The following ATP9B variants were observed in gnomAD, a reference collection of about 807,000 sequenced individuals.
ATP9B encodes ATPase phospholipid transporting 9B.
ATP9B carries 110 observed loss-of-function variants against 146.1 expected under a neutral mutation model. The ratio of observed to expected loss-of-function variants is 0.75; its 90% CI spans 0.65 to 0.88. The LOEUF is 0.88. ATP9B is among the 40% of genes least tolerant of loss of function. The pLI is 0.00. For synonymous variants in ATP9B, 604 were observed against 569.7 expected, an observed-to-expected ratio of 1.06 and a Z score of -0.86; for missense variants, 1,499 against 1,496.4, an observed-to-expected ratio of 1.00 and a Z score of -0.03.
At chr18:79,091,486 G>A (rs2074311695) in intron 1 of ATP9B, among the ~76,000 whole-genome samples, 1 of 152,124 alleles carries the variant, frequency 6.6e-6, no homozygotes, top group Non-Finnish European at 1.5e-5. Context: ...TCATCATAGA[G>A]ATCTTTCACT....
chr18:79,298,401 T>A (rs1405613293), intron 13 of ATP9B, among the ~76,000 whole-genome samples: 2 of 146,238 alleles, frequency 1.4e-5, no homozygotes, highest in African/African-American at 5.0e-5. Flanking sequence ...GTGAATCTAA[T>A]ATAAAATGAG....
chr18:79,304,199 G>A (rs969348126), intron 14 of ATP9B, among the ~76,000 whole-genome samples: 1 of 152,016 alleles, frequency 6.6e-6, no homozygotes, highest in African/African-American at 2.4e-5. Flanking sequence ...TGTTTCATCT[G>A]TAGGTGTTCT....
chr18:79,329,902 A>G (rs1384532235), intron 16 of ATP9B, 110 bp from the exon 17 acceptor site: 24 of 958,420 alleles, frequency 2.5e-5, no homozygotes, highest in Non-Finnish European at 3.6e-5. Context: ...ACACACAGGA[A>G]CACATTCATA....
In ATP9B at chr18:79,101,438, A is replaced by T. The variant is rs118141856; in HGVS notation, c.293+4789A>T. Among the ~76,000 whole-genome samples the T allele has an allele frequency of 9.7e-3, 1,470 of 152,272 alleles. 13 individuals carry two copies. The highest frequency in any genetic ancestry group is 0.02 in the Middle Eastern group (6 of 294). On this transcript the variant is annotated intron_variant, in intron 2 of 29. Coordinates refer to ENST00000426216, the MANE Select transcript of ATP9B (RefSeq NM_198531.5). ...GTGAGAGCCATCCAAGCTGTTGTGT[A>T]GGTTGTGTCAAGTTTTTGGATATTA...
At chr18:79,311,233 A>ATATATAAAATAC (rs2096650839) in intron 15 of ATP9B, among the ~76,000 whole-genome samples, 1 of 152,236 alleles carries the variant, frequency 6.6e-6, no homozygotes, top group Non-Finnish European at 1.5e-5. Flanking sequence ...CACAATTGAG[A>ATATATAAAATAC]ACCACTGTAT....
Position 79,369,698 on chromosome 18 carries a change from T to C in ATP9B, c.3013-3127T>C, listed in dbSNP as rs2097058239. Among the ~76,000 whole-genome samples the C allele has an allele frequency of 1.3e-5, 2 of 152,248 alleles. 1 individual carries two copies. Among genetic ancestry groups the C allele is most frequent in the Non-Finnish European group, 2.9e-5 (2 of 68,048 alleles). On this transcript the variant is annotated intron_variant, in intron 26 of 29. Coordinates refer to ENST00000426216, the MANE Select transcript of ATP9B (RefSeq NM_198531.5). ...GCCGATCCTTGCAGAGGGACCATCT[T>C]TCACGCCACACGCGCATCAGCGTGC...
intron 7 of ATP9B, chr18:79,173,571 G>C: frequency 2.4e-6 from 1 of 408,964 alleles, no homozygotes; most frequent in Non-Finnish European, 4.8e-6. Flanking sequence ...GTCATTTATA[G>C]TGAAGACTCC....
Position 79,377,948 on chromosome 18 carries a change from G to A in ATP9B, c.*565G>A, listed in dbSNP as rs1391373951. ...ATTGTCAAAATTGTATTTCCATATT[G>A]AAGCAGCTTGAGTTTCTACTGAAAA... On this transcript the variant is annotated 3_prime_UTR_variant, in exon 30 of 30. Transcript: ENST00000426216. The A allele has an allele frequency of 6.5e-6, 1 of 153,342 alleles. No homozygotes were observed. Among genetic ancestry groups the A allele is most frequent in the Non-Finnish European group, 1.5e-5 (1 of 68,778 alleles). The allele number at this position is 153,342 out of a possible 1,614,324, so 9.5% of individuals were successfully genotyped here.
At chr18:79,126,102 C>G (rs1421391301) in intron 4 of ATP9B, among the ~76,000 whole-genome samples, 165 bp from the exon 5 acceptor site, 6 of 151,948 alleles carry the variant, frequency 3.9e-5, no homozygotes, top group Non-Finnish European at 7.4e-5. Flanking sequence ...ACAATGAATC[C>G]TTTTGTAATA....
intron 10 of ATP9B, among the ~76,000 whole-genome samples, chr18:79,210,239 A>C (rs891210009): frequency 1.3e-5 from 2 of 152,216 alleles, no homozygotes; most frequent in Non-Finnish European, 2.9e-5. Flanking sequence ...TGATGAGCAT[A>C]CAAAGGAGTG....
At chr18:79,339,849 C>G (rs2096849260) in intron 19 of ATP9B, among the ~76,000 whole-genome samples, 2 of 152,178 alleles carry the variant, frequency 1.3e-5, no homozygotes, top group Admixed American at 6.5e-5. Context: ...GAGGCTGTAT[C>G]TGGTTTCAGA....
intron 6 of ATP9B, among the ~76,000 whole-genome samples, chr18:79,149,101 C>G (rs1013452803): frequency 6.6e-6 from 1 of 152,168 alleles, no homozygotes; most frequent in African/African-American, 2.4e-5. Flanking sequence ...TTGTTTTGTA[C>G]ACTTAATACC....
intron 28 of ATP9B, 50 bp from the exon 29 acceptor site, chr18:79,375,344 G>T: frequency 1.3e-6 from 2 of 1,491,346 alleles, no homozygotes; most frequent in Admixed American, 1.8e-5. Context: ...AAATATCCTG[G>T]TATCTCCTTT....
chr18:79,167,553 G>A (rs2094990289), intron 7 of ATP9B, among the ~76,000 whole-genome samples: 1 of 152,054 alleles, frequency 6.6e-6, no homozygotes, highest in Non-Finnish European at 1.5e-5. Flanking sequence ...AGCCCTCAGA[G>A]TAGAGGGGAC....
intron 12 of ATP9B, among the ~76,000 whole-genome samples, chr18:79,260,830 A>G (rs1196204415): frequency 6.6e-6 from 1 of 152,266 alleles, no homozygotes; most frequent in Admixed American, 6.5e-5. Flanking sequence ...CAGTTCTTCT[A>G]TTATTCTCAG....
At chr18:79,223,307 T>G (rs941575310) in intron 11 of ATP9B, among the ~76,000 whole-genome samples, 2 of 152,102 alleles carry the variant, frequency 1.3e-5, no homozygotes, top group Non-Finnish European at 2.9e-5. Context: ...TTATATTGAT[T>G]TATATTAAAA....
intron 15 of ATP9B, 24 bp from the exon 16 acceptor site, chr18:79,329,117 T>A: frequency 1.3e-6 from 2 of 1,524,024 alleles, no homozygotes; most frequent in Non-Finnish European, 1.8e-6. Flanking sequence ...AGCGGTGGCC[T>A]CAGTTGTTGC....
intron 10 of ATP9B, among the ~76,000 whole-genome samples, chr18:79,210,216 G>A (rs967043442): frequency 3.3e-5 from 5 of 152,196 alleles, no homozygotes; most frequent in South Asian, 2.1e-4. Context: ...GAGAACCATC[G>A]TGTTTATTAT....
chr18:79,333,260 G>A (rs1239745163), intron 17 of ATP9B, among the ~76,000 whole-genome samples: 1 of 152,210 alleles, frequency 6.6e-6, no homozygotes, highest in Non-Finnish European at 1.5e-5. Context: ...AGCTGTCTGG[G>A]CTGCAACTGC....
Sources: gnomAD v4.1 joint callset for allele counts (sites outside exome capture counted in the v4.1 genomes callset) on GRCh38, gnomAD v4.1.1 for gene constraint, MANE v1.5 for transcripts, NCBI Gene and HGNC (gene_info 2026-07-23, HGNC 2026-07-21) for gene names.